Variants in DDX10 observed in about 807,000 individuals in gnomAD.
The protein encoded by DDX10 is probable ATP-dependent RNA helicase DDX10.
In DDX10, 74 loss-of-function variants were observed where a neutral mutation model predicts 104.3. The observed-to-expected ratio is 0.71, with a 90% CI of 0.59 to 0.86. The LOEUF (loss-of-function observed/expected upper bound fraction) is 0.86, where lower values mean the gene tolerates loss of function less well. DDX10 is among the 40% of genes least tolerant of loss of function. DDX10 has a pLI of 0.00. For missense variants in DDX10, 952 were observed against 1,040.0 expected (o/e 0.92, Z 1.16); for synonymous variants, 351 against 353.4 (o/e 0.99, Z 0.08).
intron 13 of DDX10, among the ~76,000 whole-genome samples, chr11:108,777,626 G>C (rs1253187908): frequency 1.3e-5 from 2 of 152,048 alleles, no homozygotes; most frequent in Non-Finnish European, 2.9e-5. Flanking sequence ...TCTGGCCAAG[G>C]GTTCCTTTTT....
intron 16 of DDX10, among the ~76,000 whole-genome samples, chr11:108,866,553 G>A (rs910523821): frequency 6.6e-6 from 1 of 152,088 alleles, no homozygotes; most frequent in Non-Finnish European, 1.5e-5. Flanking sequence ...AATGGAACAT[G>A]GAGATATTAG....
At chr11:108,770,684 C>T (rs889915103) in intron 13 of DDX10, among the ~76,000 whole-genome samples, 22 of 152,010 alleles carry the variant, frequency 1.4e-4, no homozygotes, top group Admixed American at 1.4e-3. Flanking sequence ...CATGTTGTGG[C>T]AAATGACTGG....
At chr11:108,750,445 C>T (rs529601931) in intron 13 of DDX10, among the ~76,000 whole-genome samples, 1 of 152,156 alleles carries the variant, frequency 6.6e-6, no homozygotes, top group Non-Finnish European at 1.5e-5. Flanking sequence ...TTGAACTACT[C>T]ACACAATTAT....
At chr11:108,916,643 G>A (rs1248286442) in intron 16 of DDX10, among the ~76,000 whole-genome samples, 1 of 152,162 alleles carries the variant, frequency 6.6e-6, no homozygotes, top group African/African-American at 2.4e-5. Flanking sequence ...CATTTGGTAT[G>A]AAGAATTGTA....
chr11:108,717,459 G>A (rs1057435230), intron 11 of DDX10, among the ~76,000 whole-genome samples: 7 of 152,080 alleles, frequency 4.6e-5, no homozygotes, highest in Non-Finnish European at 8.8e-5. Context: ...ACAGGCATGC[G>A]CCACCACACC....
chr11:108,845,363 T>C (rs564434699), intron 15 of DDX10, among the ~76,000 whole-genome samples: 130 of 152,340 alleles, frequency 8.5e-4, no homozygotes, highest in African/African-American at 2.8e-3. Flanking sequence ...CATTGTTGGT[T>C]TTTGAAGTCA....
chr11:108,803,197 G>A (rs192787664), intron 13 of DDX10, among the ~76,000 whole-genome samples: 2 of 151,622 alleles, frequency 1.3e-5, no homozygotes, highest in Admixed American at 1.3e-4. Flanking sequence ...AATATTGCAA[G>A]CTCTCTGCTA....
chr11:108,727,546 CA>C (rs1281305053), intron 13 of DDX10, among the ~76,000 whole-genome samples: 8 of 152,098 alleles, frequency 5.3e-5, no homozygotes, highest in Non-Finnish European at 2.9e-5. Context: ...TAAAAATACT[CA>C]GAATTTTATT....
chr11:108,915,694 T>C (rs1863738531), intron 16 of DDX10, among the ~76,000 whole-genome samples: 1 of 152,118 alleles, frequency 6.6e-6, no homozygotes, highest in South Asian at 2.1e-4. Context: ...ATTGATATGG[T>C]TTCAGTTTTC....
At chr11:108,671,290 A>C (rs2094216690) in intron 1 of DDX10, among the ~76,000 whole-genome samples, 1 of 152,178 alleles carries the variant, frequency 6.6e-6, no homozygotes, top group Non-Finnish European at 1.5e-5. Flanking sequence ...CAGCCTCCCA[A>C]GTAGCTGGGA....
At chr11:108,910,408 T>C (rs1591121714) in intron 16 of DDX10, among the ~76,000 whole-genome samples, 1 of 152,226 alleles carries the variant, frequency 6.6e-6, no homozygotes, top group East Asian at 1.9e-4. Context: ...AGTAAGATAA[T>C]CTATGTTAAA....
At chr11:108,754,463 A>C (rs1439983840) in intron 13 of DDX10, among the ~76,000 whole-genome samples, 3 of 152,024 alleles carry the variant, frequency 2.0e-5, no homozygotes, top group Non-Finnish European at 4.4e-5. Flanking sequence ...AAAATATTAG[A>C]ACTTGTTTTT....
chr11:108,736,041 T>A (rs2094317906), intron 13 of DDX10, among the ~76,000 whole-genome samples: 1 of 152,162 alleles, frequency 6.6e-6, no homozygotes, highest in Admixed American at 6.5e-5. Flanking sequence ...TCTCAAGCCG[T>A]CTTTGCTGAA....
chr11:108,677,032 C>A (rs998497559), intron 3 of DDX10, 53 bp from the exon 4 acceptor site: 16 of 1,548,886 alleles, frequency 1.0e-5, no homozygotes, highest in Non-Finnish European at 1.4e-5. Context: ...AGATGCAGGT[C>A]AAAAAGCTGA....
At chr11:108,908,340 C>T (rs1236343707) in intron 16 of DDX10, among the ~76,000 whole-genome samples, 1 of 152,060 alleles carries the variant, frequency 6.6e-6, no homozygotes, top group Non-Finnish European at 1.5e-5. Flanking sequence ...TCTTTTTAAT[C>T]TTTACATTCC....
At chr11:108,896,623 C>A (rs1863444751) in intron 16 of DDX10, among the ~76,000 whole-genome samples, 1 of 152,132 alleles carries the variant, frequency 6.6e-6, no homozygotes, top group Non-Finnish European at 1.5e-5. Flanking sequence ...GCAGAATATT[C>A]ACTGAGTTCT....
At chr11:108,704,380 C>G (rs1254023665) in intron 9 of DDX10, among the ~76,000 whole-genome samples, 1 of 152,208 alleles carries the variant, frequency 6.6e-6, no homozygotes, top group East Asian at 1.9e-4. Context: ...TGGTTCCAAA[C>G]AGAATAAGCC....
intron 13 of DDX10, among the ~76,000 whole-genome samples, chr11:108,734,954 A>T (rs1427774607): frequency 6.6e-6 from 1 of 152,210 alleles, no homozygotes; most frequent in Non-Finnish European, 1.5e-5. Context: ...ACCACTTTTT[A>T]AGTCTCTAAG....
Position 108,757,683 on chromosome 11 carries a change from C to A in DDX10, c.1965+34221C>A, listed in dbSNP as rs751239779. 7.9e-5 allele frequency among the ~76,000 whole-genome samples: 12 copies of A among 152,094 alleles called. No individual in the cohort carries two copies. In the South Asian group the frequency reaches 8.3e-4, roughly 11 times the overall value. ...TTTCCAGAACCACTTGTTGGTTGTC[C>A]TCTTGAAAACTTTTTTCCCTCTGAC... is the stretch of plus-strand genomic sequence containing the variant. On this transcript the variant is annotated intron_variant, in intron 13 of 17. Coordinates refer to ENST00000322536, the MANE Select transcript of DDX10 (RefSeq NM_004398.4).
Sources: gnomAD v4.1 joint callset for allele counts (sites outside exome capture counted in the v4.1 genomes callset) on GRCh38, gnomAD v4.1.1 for gene constraint, MANE v1.5 for transcripts, NCBI Gene and HGNC (gene_info 2026-07-23, HGNC 2026-07-21) for gene names.